ROBO2: variants seen among roughly 807,000 people sequenced by gnomAD.
The protein encoded by ROBO2 is roundabout homolog 2.
ROBO2 carries 53 observed loss-of-function variants against 160.8 expected under a neutral mutation model. That is an observed-to-expected ratio of 0.33 (90% CI 0.26 to 0.41). The LOEUF (loss-of-function observed/expected upper bound fraction) is 0.41. Among genes scored for constraint, ROBO2 ranks in the 10% least tolerant of loss-of-function variants. ROBO2 has a pLI of 1.00. For missense variants in ROBO2, 1,577 were observed against 1,722.4 expected (o/e 0.92, Z 1.49); for synonymous variants, 664 against 611.7 (o/e 1.09, Z -1.26).
At chr3:76,892,338 T>A (rs2074412678) in intron 2 of ROBO2, among the ~76,000 whole-genome samples, 1 of 152,204 alleles carries the variant, frequency 6.6e-6, no homozygotes. Context: ...TAGGATAGCA[T>A]CATAGTTTTG....
At chr3:76,750,332 C>T (rs2093962779) in intron 2 of ROBO2, among the ~76,000 whole-genome samples, 1 of 152,018 alleles carries the variant, frequency 6.6e-6, no homozygotes. Flanking sequence ...AAACCCACAG[C>T]CAATATCGTA....
At chr3:76,196,550 A>C in intron 2 of ROBO2, among the ~76,000 whole-genome samples, 1 of 152,162 alleles carries the variant, frequency 6.6e-6, no homozygotes, top group Non-Finnish European at 1.5e-5. Context: ...AAATACTCTA[A>C]ATAATAATTT....
intron 21 of ROBO2, among the ~76,000 whole-genome samples, chr3:77,613,214 T>C (rs938574076): frequency 1.6e-4 from 24 of 152,030 alleles, no homozygotes; most frequent in Admixed American, 1.6e-3. Context: ...ATATATTCTC[T>C]ATGAATTTTT....
At chr3:77,404,306 T>C (rs1173608235) in intron 2 of ROBO2, among the ~76,000 whole-genome samples, 1 of 152,186 alleles carries the variant, frequency 6.6e-6, no homozygotes, top group African/African-American at 2.4e-5. Flanking sequence ...CTTAGTTGTG[T>C]TTATATGAAA....
intron 2 of ROBO2, among the ~76,000 whole-genome samples, chr3:76,570,136 A>T (rs573078863): frequency 3.3e-5 from 5 of 152,214 alleles, no homozygotes; most frequent in South Asian, 2.1e-4. Flanking sequence ...CCTGCCCCCA[A>T]AAATAAAAAA....
chr3:76,338,389 G>A (rs573122718), intron 2 of ROBO2, among the ~76,000 whole-genome samples: 1 of 152,170 alleles, frequency 6.6e-6, no homozygotes, highest in African/African-American at 2.4e-5. Flanking sequence ...GCAATTTGAT[G>A]ACTAAAAATA....
At chr3:76,468,269 A>T (rs2078463728) in intron 2 of ROBO2, among the ~76,000 whole-genome samples, 1 of 152,146 alleles carries the variant, frequency 6.6e-6, no homozygotes, top group African/African-American at 2.4e-5. Flanking sequence ...CATTGTCAGC[A>T]CTTTAAACAA....
intron 2 of ROBO2, among the ~76,000 whole-genome samples, chr3:76,566,665 G>A (rs1306282727): frequency 1.3e-5 from 2 of 152,074 alleles, no homozygotes; most frequent in African/African-American, 4.8e-5. Context: ...AGTCATTAAT[G>A]TTTACAACTT....
chr3:77,612,377 G>T (rs190953012), intron 21 of ROBO2, among the ~76,000 whole-genome samples: 1 of 152,164 alleles, frequency 6.6e-6, no homozygotes, highest in Non-Finnish European at 1.5e-5. Flanking sequence ...CTAAGTATTT[G>T]TTGCTTGCAA....
intron 4 of ROBO2, among the ~76,000 whole-genome samples, chr3:77,491,032 C>G (rs1388646340): frequency 6.6e-6 from 1 of 152,210 alleles, no homozygotes; most frequent in Non-Finnish European, 1.5e-5. Flanking sequence ...AGCTCTCTAT[C>G]AACCTCAGGG....
chr3:77,540,362 G>T (rs1011519542), intron 6 of ROBO2, among the ~76,000 whole-genome samples: 11 of 152,096 alleles, frequency 7.2e-5, no homozygotes, highest in Non-Finnish European at 1.6e-4. Context: ...ATCAGATCTT[G>T]GTTCGAACGG....
intron 2 of ROBO2, among the ~76,000 whole-genome samples, chr3:76,726,601 GT>G (rs1306880619): frequency 2.6e-5 from 4 of 151,928 alleles, no homozygotes; most frequent in African/African-American, 9.7e-5. Flanking sequence ...CCCAAGTGTG[GT>G]TTCTGCATCT....
rs530368588 is a variant in ROBO2, at chr3:76,988,592, T to C, written c.110-109422T>C. ...TCCTTTCATTTCCTTACCTTTTCTT[T>C]ACCTTTCTCTGAGTTATTTTGATAA... is the stretch of plus-strand genomic sequence containing the variant. On this transcript the variant is annotated intron_variant, in intron 2 of 26. Coordinates refer to the ROBO2 transcript ENST00000487694. Among the ~76,000 whole-genome samples the C allele has an allele frequency of 3.3e-5, 5 of 152,282 alleles. No homozygotes were observed. In the East Asian group the frequency reaches 7.7e-4, roughly 24 times the overall value.
At chr3:76,295,363 G>A (rs530114355) in intron 2 of ROBO2, among the ~76,000 whole-genome samples, 5 of 152,186 alleles carry the variant, frequency 3.3e-5, no homozygotes, top group African/African-American at 9.6e-5. Context: ...TTAAAAAAAA[G>A]TATGAATGTA....
At chr3:77,649,846 G>A (rs1395522132) in exon 26 of ROBO2, 1 of 151,972 alleles carries the variant, frequency 6.6e-6, no homozygotes, top group African/African-American at 2.4e-5. Flanking sequence ...ATCTTAATGT[G>A]TTTCATTTGA....
intron 2 of ROBO2, among the ~76,000 whole-genome samples, chr3:76,045,245 C>T (rs569213550): frequency 7.2e-5 from 11 of 152,146 alleles, no homozygotes; most frequent in Admixed American, 6.5e-4. Context: ...TAGCAAAATT[C>T]TTTTACACCT....
In ROBO2 at chr3:76,558,318, A is replaced by G. The variant is rs538069811; in HGVS notation, c.110-539696A>G. Among the ~76,000 whole-genome samples, 5 of 150,790 alleles carry G rather than the reference A, an allele frequency of 3.3e-5. No individual in the cohort carries two copies. In the Admixed American group the frequency reaches 3.3e-4, roughly 10 times the overall value. On this transcript the variant is annotated intron_variant, in intron 2 of 26. Coordinates refer to the ROBO2 transcript ENST00000487694. Reference sequence around the variant, plus strand: ...CCAAGAGGCATGAAAATATTCAAGTACTATTCAGATAATTTTCTTAAGTTA... The same window carrying G: ...CCAAGAGGCATGAAAATATTCAAGTGCTATTCAGATAATTTTCTTAAGTTA...
chr3:76,428,891 C>G (rs1272852967), intron 2 of ROBO2, among the ~76,000 whole-genome samples: 2 of 152,150 alleles, frequency 1.3e-5, no homozygotes, highest in Non-Finnish European at 2.9e-5. Flanking sequence ...GACTGACCAT[C>G]TGGCACCAGC....
chr3:77,007,869 T>A (rs1019390141), intron 2 of ROBO2, among the ~76,000 whole-genome samples: 1 of 152,022 alleles, frequency 6.6e-6, no homozygotes, highest in South Asian at 2.1e-4. Context: ...CCAAATGGAC[T>A]TTTTTTATGG....
Sources: allele counts gnomAD v4.1 joint callset (sites outside exome capture counted in the v4.1 genomes callset), GRCh38; gene constraint gnomAD v4.1.1; transcripts MANE v1.5; gene names NCBI Gene and HGNC (gene_info 2026-07-23, HGNC 2026-07-21).